Variants in C4orf17 observed in about 807,000 individuals in gnomAD.
C4orf17 encodes chromosome 4 open reading frame 17.
Under a neutral mutation model 32.0 loss-of-function variants are expected in C4orf17, and 25 were observed. The observed-to-expected ratio is 0.78, with a 90% CI of 0.57 to 1.09. The LOEUF is 1.09. Among genes scored for constraint, C4orf17 ranks in the 50% least tolerant of loss-of-function variants. C4orf17 has a pLI of 0.00. For missense variants in C4orf17, 420 were observed against 420.0 expected (o/e 1.00, Z 0.00); for synonymous variants, 149 against 145.8 (o/e 1.02, Z -0.16).
intron 2 of C4orf17, among the ~76,000 whole-genome samples, chr4:99,518,544 T>TATAGAGAGAG (rs1393245676): frequency 1.1e-4 from 4 of 36,824 alleles, no homozygotes; most frequent in African/African-American, 2.6e-4. Flanking sequence ...TATATATATA[T>TATAGAGAGAG]AGAGAGAGAG....
intron 3 of C4orf17, among the ~76,000 whole-genome samples, chr4:99,523,335 A>G (rs1723329084): frequency 6.6e-6 from 1 of 152,250 alleles, no homozygotes; most frequent in African/African-American, 2.4e-5. Flanking sequence ...CTTGCCCCAT[A>G]CAATTTACAT....
chr4:99,532,140 A>C (rs1433790274), intron 5 of C4orf17, among the ~76,000 whole-genome samples: 1 of 152,178 alleles, frequency 6.6e-6, no homozygotes, highest in African/African-American at 2.4e-5. Context: ...CAGTTTGGAG[A>C]GTTCTCTAGG....
intron 2 of C4orf17, among the ~76,000 whole-genome samples, chr4:99,521,905 G>A (rs1199406187): frequency 6.6e-6 from 1 of 152,114 alleles, no homozygotes; most frequent in Admixed American, 6.5e-5. Context: ...GTTATTTTTA[G>A]GAGAGAGAGT....
Position 99,542,013 on chromosome 4 carries a change from G to T in C4orf17, c.984G>T (p.Gln328His). 1 of 1,613,992 alleles carries T rather than the reference G, an allele frequency of 6.2e-7. No homozygotes were observed. ...ATTCTCCTCCCAGGCCTAACACTCAGGAGAGTGGATCAGCAAAACCAGTGT... is the reference window on the plus strand; with the variant it reads ...ATTCTCCTCCCAGGCCTAACACTCATGAGAGTGGATCAGCAAAACCAGTGT... ...KPNSPPRPNT[Q>H]ESGSAKPVSA... Residue 328 changes from glutamine to histidine, a missense_variant, in exon 9 of 9, where the codon CAG becomes CAT. By Grantham distance (24) the Gln-to-His change is conservative. Transcript: ENST00000326581.
chr4:99,528,655 C>A (rs1723429450), intron 4 of C4orf17, among the ~76,000 whole-genome samples: 1 of 152,120 alleles, frequency 6.6e-6, no homozygotes, highest in African/African-American at 2.4e-5. Context: ...AAGAAACTTA[C>A]AATCATAGCA....
At chr4:99,512,896 A>C in intron 1 of C4orf17, 93 bp from the exon 2 acceptor site, 2 of 621,154 alleles carry the variant, frequency 3.2e-6, no homozygotes, top group Non-Finnish European at 5.4e-6. Flanking sequence ...ATGAGAAACA[A>C]TTTAGTTCAA....
intron 2 of C4orf17, among the ~76,000 whole-genome samples, chr4:99,516,161 CAT>C (rs930308054): frequency 1.3e-5 from 2 of 152,180 alleles, no homozygotes; most frequent in African/African-American, 4.8e-5. Context: ...CAATTTCAAA[CAT>C]ATAACAAACT....
Position 99,542,089 on chromosome 4 carries a change from C to G in C4orf17, c.1060C>G (p.Pro354Ala). ...YNLCPQRACY[P>A]STHRR ...CCTCTGTCCCCAAAGAGCATGTTAT[C>G]CTTCAACACACCGGAGGTAGAAGTT... Residue 354 changes from proline to alanine, a missense_variant, in exon 9 of 9, where the codon CCT becomes GCT. Physicochemically the swap from Pro to Ala is conservative, Grantham distance 27. Coordinates refer to ENST00000326581, the MANE Select transcript of C4orf17 (RefSeq NM_032149.3). 1 of 1,613,924 alleles carries G rather than the reference C, an allele frequency of 6.2e-7. No individual in the cohort carries two copies. The highest frequency in any genetic ancestry group is 1.1e-5 in the South Asian group (1 of 91,046).
In C4orf17 at chr4:99,522,365, T is replaced by C. The variant is rs1489093168; in HGVS notation, c.128-135T>C. ...TAATACAATTTTTTTTTTTGGTTTA[T>C]ACAATTTGAAGTTCAACATTTTACA... is the stretch of plus-strand genomic sequence containing the variant. On this transcript the variant is annotated intron_variant, in intron 2 of 8. Coordinates refer to ENST00000326581, the MANE Select transcript of C4orf17 (RefSeq NM_032149.3). The C allele has an allele frequency of 6.0e-6, 4 of 667,884 alleles. No individual in the cohort carries two copies. The African/African-American group carries it at 7.6e-5, about 13-fold the overall frequency. 41.4% of individuals were successfully genotyped at this position (667,884 alleles called of 1,614,324 possible).
chr4:99,525,717 C>A, intron 4 of C4orf17, among the ~76,000 whole-genome samples: 1 of 151,880 alleles, frequency 6.6e-6, no homozygotes, highest in Non-Finnish European at 1.5e-5. Flanking sequence ...TTGCTTGAAT[C>A]CGGGAGGTGG....
intron 2 of C4orf17, among the ~76,000 whole-genome samples, chr4:99,517,803 C>T (rs1044302665): frequency 9.9e-5 from 15 of 152,140 alleles, no homozygotes; most frequent in African/African-American, 3.6e-4. Flanking sequence ...AAATATGTAT[C>T]TCAGACTCAG....
chr4:99,536,973 C>T (rs1723572815), intron 5 of C4orf17, among the ~76,000 whole-genome samples: 1 of 152,042 alleles, frequency 6.6e-6, no homozygotes, highest in African/African-American at 2.4e-5. Flanking sequence ...CTGTTCTTCC[C>T]TCAGAACATC....
chr4:99,536,114 G>A (rs1384024925), intron 5 of C4orf17: 2 of 353,734 alleles, frequency 5.7e-6, no homozygotes, highest in East Asian at 8.2e-5. Context: ...CTCCATCCTA[G>A]GGGGGTACTG....
chr4:99,537,570 G>A (rs1723582307), intron 5 of C4orf17, 99 bp from the exon 6 acceptor site: 1 of 842,398 alleles, frequency 1.2e-6, no homozygotes, highest in African/African-American at 1.7e-5. Flanking sequence ...CATATACAAA[G>A]TGATATTTGG....
chr4:99,516,694 G>A (rs1723185887), intron 2 of C4orf17, among the ~76,000 whole-genome samples: 1 of 152,122 alleles, frequency 6.6e-6, no homozygotes, highest in Admixed American at 6.5e-5. Flanking sequence ...CCTGTTATGG[G>A]GCATGTGGGG....
rs371495156 is a variant in C4orf17, at chr4:99,539,143, T to G, written c.629-20T>G. The G allele has an allele frequency of 1.7e-5, 28 of 1,608,426 alleles. No homozygotes were observed. In the South Asian group the frequency reaches 3.1e-4, roughly 18 times the overall value. ...ATTGCAACCTTCACTCCTCCCACCC[T>G]TTTTTGTCTTTTAAACCAGAAAAAG... On this transcript the variant is annotated intron_variant, in intron 6 of 8. Coordinates refer to ENST00000326581, the MANE Select transcript of C4orf17 (RefSeq NM_032149.3).
intron 4 of C4orf17, among the ~76,000 whole-genome samples, chr4:99,525,294 G>A (rs1723368073): frequency 6.6e-6 from 1 of 152,162 alleles, no homozygotes; most frequent in Non-Finnish European, 1.5e-5. Context: ...CACCAGCAGT[G>A]TATGAGTTTT....
Position 99,524,543 on chromosome 4 carries a change from G to C in C4orf17, c.360G>C (p.Glu120Asp), listed in dbSNP as rs1256489625. ...CAGAGCCCAGTAGAAAAATTAAAGA[G>C]TGCTTCAAAACTTCCAGTGAGAATC... ...PHSEPSRKIK[E>D]CFKTSSENPL... Residue 120 changes from glutamate (E) to aspartate (D), a missense_variant, in exon 4 of 9, where the codon GAG becomes GAC. By Grantham distance (45) the Glu-to-Asp change is conservative. Transcript: ENST00000326581. 1.0e-5 allele frequency: 16 copies of C among 1,603,090 alleles called. No individual in the cohort carries two copies. In the South Asian group the frequency reaches 1.6e-4, roughly 16 times the overall value.
chr4:99,538,135 G>A (rs1026153013), intron 6 of C4orf17, among the ~76,000 whole-genome samples: 1 of 152,206 alleles, frequency 6.6e-6, no homozygotes, highest in Non-Finnish European at 1.5e-5. Flanking sequence ...TTGGTAAGGA[G>A]AACAGTAGAA....
Sources: gnomAD v4.1 joint callset for allele counts (sites outside exome capture counted in the v4.1 genomes callset) on GRCh38, gnomAD v4.1.1 for gene constraint, MANE v1.5 for transcripts, NCBI Gene and HGNC (gene_info 2026-07-23, HGNC 2026-07-21) for gene names.